CAMKMT: variants seen among roughly 807,000 people sequenced by gnomAD.
The protein encoded by CAMKMT is CaM KMT.
Under a neutral mutation model 48.0 loss-of-function variants are expected in CAMKMT, and 53 were observed. The ratio of observed to expected loss-of-function variants is 1.10; its 90% confidence interval spans 0.89 to 1.39. The LOEUF (loss-of-function observed/expected upper bound fraction) is 1.39, where lower values mean the gene tolerates loss of function less well. Among genes scored for constraint, CAMKMT ranks in the 40% most tolerant of loss-of-function variants. The pLI, the probability that CAMKMT is intolerant of heterozygous loss-of-function variation, is 0.00. For synonymous variants in CAMKMT, 165 were observed against 152.3 expected, an observed-to-expected ratio of 1.08 and a Z score of -0.61; for missense variants, 428 against 402.7, an observed-to-expected ratio of 1.06 and a Z score of -0.54.
intron 7 of CAMKMT, among the ~76,000 whole-genome samples, chr2:44,719,584 G>T (rs1460209164): frequency 2.6e-5 from 4 of 152,028 alleles, no homozygotes. Context: ...CTTTATCCTT[G>T]GTATATGAAA....
At chr2:44,470,142 G>A (rs561797700) in intron 3 of CAMKMT, among the ~76,000 whole-genome samples, 3 of 151,716 alleles carry the variant, frequency 2.0e-5, no homozygotes, top group African/African-American at 4.8e-5. Context: ...TGTAAAAGTA[G>A]TTATTCTAAA....
chr2:44,468,707 C>A (rs1257817534), intron 3 of CAMKMT, among the ~76,000 whole-genome samples: 1 of 152,036 alleles, frequency 6.6e-6, no homozygotes, highest in East Asian at 1.9e-4. Flanking sequence ...TTGTTTGAAC[C>A]TAGAAGTTTG....
intron 3 of CAMKMT, among the ~76,000 whole-genome samples, chr2:44,602,844 C>T (rs778875309): frequency 5.3e-5 from 8 of 152,030 alleles, no homozygotes; most frequent in Admixed American, 4.6e-4. Flanking sequence ...GATTACAATT[C>T]GACATGAGAT....
intron 3 of CAMKMT, among the ~76,000 whole-genome samples, chr2:44,626,571 G>A (rs1162194085): frequency 6.6e-6 from 1 of 152,180 alleles, no homozygotes; most frequent in East Asian, 1.9e-4. Flanking sequence ...GGCACCAGCA[G>A]ATTAGGTGTC....
At chr2:44,452,278 A>G (rs1209663600) in intron 3 of CAMKMT, among the ~76,000 whole-genome samples, 6 of 151,960 alleles carry the variant, frequency 3.9e-5, no homozygotes, top group Non-Finnish European at 5.9e-5. Context: ...TGGACTTTGG[A>G]ATGGGAAAAG....
Position 44,772,260 on chromosome 2 carries a change from C to T in CAMKMT, c.*147C>T. The T allele has an allele frequency of 1.6e-6, 1 of 612,674 alleles. No homozygotes were observed. The highest frequency in any genetic ancestry group is 2.1e-5 in the South Asian group (1 of 47,840). 38.0% of individuals were successfully genotyped at this position (612,674 alleles called of 1,614,324 possible). On this transcript the variant is annotated 3_prime_UTR_variant, in exon 11 of 11. Transcript: ENST00000378494. ...GCTATGGACTCCACCTGTCCTCACC[C>T]ACGTTATTCCCCAGCTGCCCTCTCC...
At chr2:44,708,680 T>G (rs1301161209) in intron 6 of CAMKMT, among the ~76,000 whole-genome samples, 1 of 152,132 alleles carries the variant, frequency 6.6e-6, no homozygotes, top group Non-Finnish European at 1.5e-5. Context: ...CAGATGTTTT[T>G]TCATTCACTC....
rs558977593 is a variant in CAMKMT, at chr2:44,606,350, A to G, written c.377-97933A>G. On this transcript the variant is annotated intron_variant, in intron 3 of 10. Coordinates refer to ENST00000378494, the MANE Select transcript of CAMKMT (RefSeq NM_024766.5). ...ACGATTACCTCTCAAAATGACAAAT[A>G]TCTTTTTCCATTTAAATAACCTAGT... 1.5e-4 allele frequency among the ~76,000 whole-genome samples: 23 copies of G among 152,316 alleles called. No individual in the cohort carries two copies. In the East Asian group the frequency reaches 4.0e-3, roughly 27 times the overall value.
intron 3 of CAMKMT, among the ~76,000 whole-genome samples, chr2:44,525,204 TTGA>T (rs959301516): frequency 6.6e-6 from 1 of 152,198 alleles, no homozygotes; most frequent in Non-Finnish European, 1.5e-5. Flanking sequence ...GTTTAGCTTG[TTGA>T]TGACTGAAAT....
chr2:44,756,653 A>C (rs1379049550), intron 9 of CAMKMT, among the ~76,000 whole-genome samples: 7 of 151,774 alleles, frequency 4.6e-5, no homozygotes, highest in Admixed American at 1.3e-4. Flanking sequence ...GAGGCAGGAG[A>C]ATGGCGTGAA....
chr2:44,375,605 A>T (rs1679608022), intron 2 of CAMKMT, among the ~76,000 whole-genome samples: 1 of 152,152 alleles, frequency 6.6e-6, no homozygotes, highest in African/African-American at 2.4e-5. Flanking sequence ...TGGATCTGGA[A>T]GTACTTGAAA....
chr2:44,534,075 A>T (rs1201750509), intron 3 of CAMKMT, among the ~76,000 whole-genome samples: 1 of 152,216 alleles, frequency 6.6e-6, no homozygotes, highest in Non-Finnish European at 1.5e-5. Flanking sequence ...AAGCAAGAAT[A>T]GCTATACTTA....
intron 3 of CAMKMT, among the ~76,000 whole-genome samples, chr2:44,535,253 A>C (rs1666706350): frequency 6.6e-6 from 1 of 152,182 alleles, no homozygotes; most frequent in Admixed American, 6.5e-5. Context: ...TCAGTAATAA[A>C]AAGTCTCCCA....
chr2:44,610,233 C>T (rs1272322452), intron 3 of CAMKMT, among the ~76,000 whole-genome samples: 5 of 152,034 alleles, frequency 3.3e-5, no homozygotes, highest in Non-Finnish European at 5.9e-5. Flanking sequence ...TCTCTTGGTT[C>T]CATGAGAGCT....
At chr2:44,490,007 C>T (rs1669409567) in intron 3 of CAMKMT, among the ~76,000 whole-genome samples, 1 of 152,010 alleles carries the variant, frequency 6.6e-6, no homozygotes, top group African/African-American at 2.4e-5. Context: ...CACACACGCA[C>T]ACTCACACAC....
intron 3 of CAMKMT, among the ~76,000 whole-genome samples, chr2:44,522,293 C>A (rs1671159009): frequency 6.6e-6 from 1 of 152,162 alleles, no homozygotes; most frequent in Non-Finnish European, 1.5e-5. Context: ...GCATGAGCCA[C>A]CGAGCCCGGC....
At chr2:44,409,791 T>C (rs1558588576) in intron 3 of CAMKMT, among the ~76,000 whole-genome samples, 1 of 152,184 alleles carries the variant, frequency 6.6e-6, no homozygotes. Context: ...ATTGTCAAAA[T>C]GCAGAGAAGC....
intron 1 of CAMKMT, among the ~76,000 whole-genome samples, chr2:44,364,013 T>C: frequency 8.0e-5 from 2 of 25,022 alleles, no homozygotes; most frequent in African/African-American, 1.6e-4. Flanking sequence ...CACCCTTCCT[T>C]TTTTTTTTTT....
chr2:44,509,976 C>T (rs1670457803), intron 3 of CAMKMT, among the ~76,000 whole-genome samples: 1 of 152,116 alleles, frequency 6.6e-6, no homozygotes, highest in Non-Finnish European at 1.5e-5. Context: ...CTCAGGTATT[C>T]TGTTATAGCA....
Sources: allele counts gnomAD v4.1 joint callset (sites outside exome capture counted in the v4.1 genomes callset), GRCh38; gene constraint gnomAD v4.1.1; transcripts MANE v1.5; gene names NCBI Gene and HGNC (gene_info 2026-07-23, HGNC 2026-07-21).